The following NOX4 variants were observed in gnomAD, a reference collection of about 807,000 sequenced individuals.
NOX4 encodes NADPH oxidase 4, also known as kidney oxidase-1.
Under a neutral mutation model 87.6 loss-of-function variants are expected in NOX4, and 69 were observed. The observed-to-expected ratio is 0.79, with a 90% CI of 0.65 to 0.96. NOX4 has a LOEUF of 0.96. NOX4 is among the 40% of genes least tolerant of loss of function. The pLI, the probability that NOX4 is intolerant of heterozygous loss-of-function variation, is 0.00. For missense variants in NOX4, 680 were observed against 681.5 expected (o/e 1.00, Z 0.02); for synonymous variants, 275 against 238.2 (o/e 1.15, Z -1.42).
chr11:89,509,510 T>A, the NOX4 span, among the ~76,000 whole-genome samples: 1 of 151,992 alleles, frequency 6.6e-6, no homozygotes, highest in African/African-American at 2.4e-5. Context: ...TAGATAGAGA[T>A]AAAAGTTGGG....
chr11:89,339,872 G>T (rs1247604123), intron 15 of NOX4, among the ~76,000 whole-genome samples, 191 bp downstream of exon 15: 2 of 152,114 alleles, frequency 1.3e-5, no homozygotes, highest in Non-Finnish European at 2.9e-5. Flanking sequence ...TATCTGAAAA[G>T]ATGTGTGTCT....
At chr11:89,432,758 T>C (rs1943872059) in intron 7 of NOX4, 26 bp downstream of exon 7, 2 of 1,521,254 alleles carry the variant, frequency 1.3e-6, no homozygotes, top group Non-Finnish European at 1.8e-6. Context: ...CAGATACACA[T>C]CAAAATAATT....
chr11:89,530,617 C>T, the NOX4 span, among the ~76,000 whole-genome samples: 10 of 151,618 alleles, frequency 6.6e-5, no homozygotes, highest in Admixed American at 2.6e-4. Context: ...CCACCCACCT[C>T]GGCCTCCCAA....
intron 8 of NOX4, among the ~76,000 whole-genome samples, chr11:89,419,152 C>T (rs1240194472): frequency 6.6e-6 from 1 of 151,990 alleles, no homozygotes; most frequent in African/African-American, 2.4e-5. Flanking sequence ...CAATATATTG[C>T]TCTTCTTTAC....
In NOX4 at chr11:89,414,454, A is replaced by T. The variant is rs548318954; in HGVS notation, c.629+7448T>A. 1.3e-4 allele frequency among the ~76,000 whole-genome samples: 19 copies of T among 151,828 alleles called. No homozygotes were observed. The South Asian group carries it at 1.9e-3, about 15-fold the overall frequency. ...TATTTTCCCCATTGCTTTCTTTGCT[A>T]TGTTTTGACTTAATCCTTTTATAAA... is the stretch of plus-strand genomic sequence containing the variant. On this transcript the variant is annotated intron_variant, in intron 8 of 17. Transcript: ENST00000263317.
the NOX4 span, among the ~76,000 whole-genome samples, chr11:89,516,628 C>A: frequency 1.3e-5 from 2 of 152,056 alleles, no homozygotes; most frequent in Non-Finnish European, 2.9e-5. Context: ...TCTCTGACTG[C>A]ATTTCTTACT....
intron 2 of NOX4, chr11:89,489,115 A>G: frequency 1.6e-6 from 1 of 620,016 alleles, no homozygotes; most frequent in Admixed American, 2.7e-5. Context: ...ACAGATTATG[A>G]TATTACTTTG....
intron 2 of NOX4, among the ~76,000 whole-genome samples, chr11:89,488,517 A>C (rs1946718465): frequency 6.6e-6 from 1 of 152,204 alleles, no homozygotes; most frequent in African/African-American, 2.4e-5. Context: ...GTTCATGAAA[A>C]TTAATGAGTT....
chr11:89,425,461 G>C (rs1031386671), intron 7 of NOX4, among the ~76,000 whole-genome samples: 2 of 150,808 alleles, frequency 1.3e-5, no homozygotes, highest in African/African-American at 4.9e-5. Flanking sequence ...AGTAATATGG[G>C]TCTGGGAAAA....
chr11:89,464,851 G>A (rs367985276), intron 2 of NOX4, among the ~76,000 whole-genome samples: 11 of 152,202 alleles, frequency 7.2e-5, no homozygotes, highest in South Asian at 4.1e-4. Flanking sequence ...ACTAAATGCC[G>A]TTTCTCTCCA....
At chr11:89,461,487 A>G (rs1431409289) in intron 2 of NOX4, among the ~76,000 whole-genome samples, 1 of 151,758 alleles carries the variant, frequency 6.6e-6, no homozygotes, top group African/African-American at 2.4e-5. Context: ...TACTAAAAAT[A>G]CAAAAAAATT....
chr11:89,544,052 TAGA>T, the NOX4 span, among the ~76,000 whole-genome samples: 2 of 152,074 alleles, frequency 1.3e-5, no homozygotes, highest in African/African-American at 2.4e-5. Context: ...ATAGAAGTAA[TAGA>T]AGCCATTTTT....
intron 6 of NOX4, among the ~76,000 whole-genome samples, chr11:89,435,177 T>C (rs955300465): frequency 2.0e-5 from 3 of 152,100 alleles, no homozygotes; most frequent in Non-Finnish European, 4.4e-5. Context: ...AGTCTCACTG[T>C]TTTCAAGTGT....
the NOX4 span, among the ~76,000 whole-genome samples, chr11:89,560,037 A>G: frequency 6.6e-6 from 1 of 152,098 alleles, no homozygotes; most frequent in Non-Finnish European, 1.5e-5. Context: ...TGCAGGTATA[A>G]TCGAGTTAAG....
chr11:89,371,677 A>C (rs1160570951), intron 12 of NOX4, among the ~76,000 whole-genome samples: 1 of 151,738 alleles, frequency 6.6e-6, no homozygotes, highest in Non-Finnish European at 1.5e-5. Context: ...TTTCCAAAAC[A>C]GTAGAAAAAA....
At chr11:89,341,733 T>C (rs1432476234) in intron 14 of NOX4, among the ~76,000 whole-genome samples, 4 of 152,312 alleles carry the variant, frequency 2.6e-5, no homozygotes, top group Non-Finnish European at 4.4e-5. Context: ...TATTGGCACA[T>C]GGGTGTTCAA....
chr11:89,470,409 T>C (rs1945881044), intron 2 of NOX4, among the ~76,000 whole-genome samples: 1 of 152,198 alleles, frequency 6.6e-6, no homozygotes, highest in Non-Finnish European at 1.5e-5. Flanking sequence ...CTATGTGTTC[T>C]ATAAATATAT....
At chr11:89,428,814 A>T (rs986216578) in intron 7 of NOX4, among the ~76,000 whole-genome samples, 1 of 152,184 alleles carries the variant, frequency 6.6e-6, no homozygotes, top group Non-Finnish European at 1.5e-5. Flanking sequence ...AACGAGACAG[A>T]AAGTTAACAA....
chr11:89,582,200 T>C, the NOX4 span, among the ~76,000 whole-genome samples: 5 of 152,162 alleles, frequency 3.3e-5, no homozygotes, highest in African/African-American at 1.2e-4. Context: ...TCCTTTCTTT[T>C]TAAGGCTGAG....
Sources: allele counts gnomAD v4.1 joint callset (sites outside exome capture counted in the v4.1 genomes callset), GRCh38; gene constraint gnomAD v4.1.1; transcripts MANE v1.5; gene names NCBI Gene and HGNC (gene_info 2026-07-23, HGNC 2026-07-21).